TRAPPC2L: variants seen among roughly 807,000 people sequenced by gnomAD.
The protein encoded by TRAPPC2L is trafficking protein particle complex subunit 2L.
Under a neutral mutation model 13.2 loss-of-function variants are expected in TRAPPC2L, and 17 were observed. The ratio of observed to expected loss-of-function variants is 1.29; its 90% CI spans 0.88 to 1.93. The LOEUF (loss-of-function observed/expected upper bound fraction) is 1.93, where lower values mean the gene tolerates loss of function less well. Among genes scored for constraint, TRAPPC2L ranks in the 30% most tolerant of loss-of-function variants. The pLI is 0.00. For synonymous variants in TRAPPC2L, 150 were observed against 98.1 expected (o/e 1.53, Z -3.12); for missense variants, 359 against 252.1 (o/e 1.42, Z -2.87).
rs560393846 is a variant in TRAPPC2L at position 88,862,016 on chromosome 16, A to C, written c.*1692A>C. On this transcript the variant is annotated 3_prime_UTR_variant, in exon 4 of 4. Coordinates refer to ENST00000565504, the Ensembl canonical transcript of TRAPPC2L. Reference sequence around the variant, plus strand: ...CCCAGGGTGAATTGGAAGCCCTGGAATGGGCCGAGGCACACCAGGCAGCTG... The same window carrying C: ...CCCAGGGTGAATTGGAAGCCCTGGACTGGGCCGAGGCACACCAGGCAGCTG... The C allele has an allele frequency of 1.6e-3, 306 of 195,878 alleles. 2 individuals carry two copies. The highest frequency in any genetic ancestry group is 3.0e-3 in the Non-Finnish European group (274 of 92,794). The allele number at this position is 195,878 out of a possible 1,614,324, so 12.1% of individuals were successfully genotyped here. A position where few individuals can be genotyped will look rare whatever the true frequency, so the allele number is the denominator to read the frequency against.
exon 4 of TRAPPC2L, chr16:88,861,492 G>T: frequency 2.8e-6 from 1 of 362,406 alleles, no homozygotes; most frequent in Non-Finnish European, 5.6e-6. Flanking sequence ...GGCCTTAAAA[G>T]GAGCCCTTGT....
exon 1 of TRAPPC2L, chr16:88,857,159 G>A (rs150483609): frequency 6.3e-7 from 1 of 1,583,196 alleles, no homozygotes; most frequent in Non-Finnish European, 8.5e-7. Context: ...AGATGGCGGT[G>A]TGCATCGCGG....
exon 4 of TRAPPC2L, chr16:88,861,588 C>A (rs765846973): frequency 2.1e-6 from 1 of 472,596 alleles, no homozygotes; most frequent in Admixed American, 2.3e-5. Flanking sequence ...TGAGGCACCC[C>A]CTCCTGCCTG....
In TRAPPC2L at chr16:88,859,748, AGC is replaced by A. The variant is rs1238142773; in HGVS notation, c.294_294+1del. 6.2e-7 allele frequency: 1 copy of A among 1,613,466 alleles called. No individual in the cohort carries two copies. Among genetic ancestry groups the A allele is most frequent in the African/African-American group, 1.3e-5 (1 of 75,032 alleles). The stretch of plus-strand genomic sequence containing the variant: ...AGCCCTTCGAGACAACGAAATTCGC[AGC>A]GTAAGTCAGGGAGTTAGAGGGCCAC... On this transcript the variant is annotated frameshift_variant and splice_region_variant, in exon 3 of 4. Transcript: ENST00000565504. LOFTEE classifies it low-confidence loss of function (END_TRUNC).
At chr16:88,858,921 G>C in intron 2 of TRAPPC2L, 130 bp downstream of exon 2, 1 of 996,886 alleles carries the variant, frequency 1.0e-6, no homozygotes, top group East Asian at 2.6e-5. Context: ...AATTAGGGTA[G>C]CTTGAGGTGA....
chr16:88,856,827 G>C (rs764188199), upstream of TRAPPC2L: 1 of 1,527,988 alleles, frequency 6.5e-7, no homozygotes, highest in Non-Finnish European at 8.7e-7. Flanking sequence ...CCGCGGCGCT[G>C]AGCACCAGCA....
chr16:88,860,308 C>G (rs1232108656), exon 4 of TRAPPC2L: 3 of 694,972 alleles, frequency 4.3e-6, no homozygotes, highest in Non-Finnish European at 5.2e-6. Context: ...ATCACACGTC[C>G]TTTTGTAGCT....
chr16:88,856,382 T>A (rs1438396149), upstream of TRAPPC2L: 1 of 701,296 alleles, frequency 1.4e-6, no homozygotes, highest in African/African-American at 1.7e-5. Flanking sequence ...GCGCCCACCT[T>A]TCCCAAGAGT....
At chr16:88,860,775 C>T in exon 4 of TRAPPC2L, 1 of 922,312 alleles carries the variant, frequency 1.1e-6, no homozygotes, top group East Asian at 2.6e-5. Context: ...CTGTCCTGGC[C>T]TCTCAGCGGA....
upstream of TRAPPC2L, chr16:88,856,779 G>A: frequency 6.5e-7 from 1 of 1,543,990 alleles, no homozygotes; most frequent in East Asian, 2.5e-5. Flanking sequence ...GCAGGAGCAG[G>A]ATGTTGGGGG....
chr16:88,859,620 G>A (rs1479719456), intron 2 of TRAPPC2L, 43 bp from the exon 3 acceptor site: 1 of 1,579,206 alleles, frequency 6.3e-7, no homozygotes, highest in Non-Finnish European at 8.7e-7. Context: ...CCCTCCACCG[G>A]CAGTCCCTGT....
chr16:88,861,592 C>T (rs1410626277), exon 4 of TRAPPC2L: 2 of 474,774 alleles, frequency 4.2e-6, no homozygotes. Context: ...GCACCCCCTC[C>T]TGCCTGTTGG....
exon 2 of TRAPPC2L, chr16:88,858,748 G>C: frequency 6.2e-7 from 1 of 1,613,470 alleles, no homozygotes; most frequent in Non-Finnish European, 8.5e-7. Context: ...CGACCAGAGG[G>C]AGCTGTACCT....
upstream of TRAPPC2L, chr16:88,856,467 T>C (rs1391213594): frequency 2.9e-6 from 2 of 700,092 alleles, no homozygotes; most frequent in Admixed American, 4.0e-5. Context: ...GGGAGGACGC[T>C]GTCCCGGTCA....
rs1266782680 is a variant in TRAPPC2L, at chr16:88,859,654, G to C, written c.207-9G>C. On this transcript the variant is annotated splice_polypyrimidine_tract_variant and intron_variant, in intron 2 of 3. Coordinates refer to ENST00000565504, the Ensembl canonical transcript of TRAPPC2L. ...GTGTTACGAGTGCCTTCCCTAACCA[G>C]CTGTGCAGATACGGCTACGTCACCA... 1 of 1,613,816 alleles carries C rather than the reference G, an allele frequency of 6.2e-7. No homozygotes were observed. Among genetic ancestry groups the C allele is most frequent in the East Asian group, 2.2e-5 (1 of 44,884 alleles).
upstream of TRAPPC2L, chr16:88,856,375 C>T: frequency 1.4e-6 from 1 of 701,660 alleles, no homozygotes; most frequent in Non-Finnish European, 2.6e-6. Flanking sequence ...ACGCTGCGCG[C>T]CCACCTTTCC....
At chr16:88,859,279 T>C (rs1193969628) in intron 2 of TRAPPC2L, 36 of 587,506 alleles carry the variant, frequency 6.1e-5, no homozygotes, top group Non-Finnish European at 5.4e-5. Flanking sequence ...GTAGCCACTA[T>C]TTTACAAAAT....
At chr16:88,858,850 G>A (rs915338145) in intron 2 of TRAPPC2L, 59 bp downstream of exon 2, 53 of 1,541,980 alleles carry the variant, frequency 3.4e-5, no homozygotes, top group Non-Finnish European at 4.1e-5. Flanking sequence ...ATGTACTTTA[G>A]GATCAGATAA....
chr16:88,858,571 C>A (rs199882711), intron 1 of TRAPPC2L, 48 bp from the exon 2 acceptor site: 1 of 1,591,558 alleles, frequency 6.3e-7, no homozygotes, highest in South Asian at 1.1e-5. Context: ...AGCTGGTGTG[C>A]GCTGGGTGGA....
Sources: gnomAD v4.1 joint callset for allele counts on GRCh38, gnomAD v4.1.1 for gene constraint, MANE v1.5 for transcripts, NCBI Gene and HGNC (gene_info 2026-07-23, HGNC 2026-07-21) for gene names.